Variants in AKT3 observed in about 807,000 individuals in gnomAD.
AKT3 encodes AKT serine/threonine kinase 3.
A neutral mutation model predicts 65.3 loss-of-function variants in AKT3; 15 were observed. The observed-to-expected ratio is 0.23, with a 90% CI of 0.15 to 0.35. The LOEUF (loss-of-function observed/expected upper bound fraction) is 0.35. Ranked by LOEUF, AKT3 falls within the 10% of genes least tolerant of loss-of-function variation. The pLI, the probability that AKT3 is intolerant of heterozygous loss-of-function variation, is 1.00. For missense variants in AKT3, 243 were observed against 576.5 expected (o/e 0.42, Z 5.92); for synonymous variants, 206 against 183.8 (o/e 1.12, Z -0.98).
At chr1:243,842,946 T>C (rs1349990649) in intron 2 of AKT3, among the ~76,000 whole-genome samples, 179 bp downstream of exon 2, 1 of 152,064 alleles carries the variant, frequency 6.6e-6, no homozygotes, top group Non-Finnish European at 1.5e-5. Context: ...AATCAAGAAT[T>C]ACAAAAAAAT....
intron 2 of AKT3, among the ~76,000 whole-genome samples, chr1:243,707,995 C>T (rs751235642): frequency 6.6e-6 from 1 of 152,048 alleles, no homozygotes; most frequent in African/African-American, 2.4e-5. Context: ...TTAATGAATA[C>T]TGCTCTATAT....
At chr1:243,706,130 T>C (rs1685781953) in intron 2 of AKT3, among the ~76,000 whole-genome samples, 1 of 152,140 alleles carries the variant, frequency 6.6e-6, no homozygotes, top group Non-Finnish European at 1.5e-5. Context: ...ATGGAAGCAG[T>C]GAGTCCATAA....
At chr1:243,497,518 G>T (rs1033156135), downstream of AKT3, among the ~76,000 whole-genome samples, 25 of 152,154 alleles carry the variant, frequency 1.6e-4, no homozygotes, top group African/African-American at 6.0e-4. Context: ...GTACATCTGT[G>T]TCACCCCCAT....
chr1:243,740,252 C>T (rs1398839639), intron 2 of AKT3, among the ~76,000 whole-genome samples: 1 of 152,152 alleles, frequency 6.6e-6, no homozygotes, highest in Non-Finnish European at 1.5e-5. Flanking sequence ...TCTTTTGAGT[C>T]CACTGGAAAG....
At chr1:243,629,202 G>C (rs1178814689) in intron 6 of AKT3, among the ~76,000 whole-genome samples, 1 of 152,114 alleles carries the variant, frequency 6.6e-6, no homozygotes, top group East Asian at 1.9e-4. Context: ...CTTGCACCTG[G>C]GAGGCAGAGG....
At chr1:243,509,284 G>A (rs1251369891) in intron 13 of AKT3, among the ~76,000 whole-genome samples, 1 of 152,166 alleles carries the variant, frequency 6.6e-6, no homozygotes, top group Admixed American at 6.5e-5. Context: ...ACTGTGCTGG[G>A]GGACTTCTAA....
chr1:243,549,307 G>C (rs571598299), intron 11 of AKT3, among the ~76,000 whole-genome samples: 4 of 152,244 alleles, frequency 2.6e-5, no homozygotes, highest in Non-Finnish European at 5.9e-5. Context: ...ACCCTAGCTG[G>C]AAACCTCAGA....
intron 2 of AKT3, among the ~76,000 whole-genome samples, chr1:243,757,697 A>C (rs1689224937): frequency 6.6e-6 from 1 of 152,210 alleles, no homozygotes; most frequent in Non-Finnish European, 1.5e-5. Flanking sequence ...AATAAAAATA[A>C]ATGCAATGTC....
At chr1:243,520,927 T>G (rs1266662286) in intron 12 of AKT3, among the ~76,000 whole-genome samples, 1 of 152,208 alleles carries the variant, frequency 6.6e-6, no homozygotes, top group Non-Finnish European at 1.5e-5. Context: ...AACAAAGAGA[T>G]AATTTTCTGA....
At chr1:243,631,905 A>C (rs1679639082) in intron 6 of AKT3, among the ~76,000 whole-genome samples, 1 of 152,200 alleles carries the variant, frequency 6.6e-6, no homozygotes, top group African/African-American at 2.4e-5. Flanking sequence ...GATAAAATTT[A>C]GTCCTATCTT....
At chr1:243,689,702 T>A (rs936687122) in intron 3 of AKT3, among the ~76,000 whole-genome samples, 1 of 151,960 alleles carries the variant, frequency 6.6e-6, no homozygotes, top group African/African-American at 2.4e-5. Flanking sequence ...TGCCTATAAT[T>A]CTAGCACTTT....
At chr1:243,667,275 G>A (rs892964331) in intron 3 of AKT3, among the ~76,000 whole-genome samples, 2 of 152,134 alleles carry the variant, frequency 1.3e-5, no homozygotes, top group Non-Finnish European at 2.9e-5. Context: ...GAGATGCTGA[G>A]TGACTATGTA....
intron 10 of AKT3, 115 bp downstream of exon 10, chr1:243,563,605 G>T: frequency 7.6e-7 from 1 of 1,316,598 alleles, no homozygotes; most frequent in Non-Finnish European, 1.0e-6. Flanking sequence ...TTTTGATTCA[G>T]GTTGAAATAT....
At chr1:243,745,259 G>T (rs1374953312) in intron 2 of AKT3, among the ~76,000 whole-genome samples, 1 of 152,120 alleles carries the variant, frequency 6.6e-6, no homozygotes, top group East Asian at 1.9e-4. Context: ...AGGATTACTT[G>T]AGCCCAGGAG....
chr1:243,813,651 T>C (rs7547512), intron 2 of AKT3, among the ~76,000 whole-genome samples: 1,548 of 152,300 alleles, frequency 0.01, 21 homozygotes, highest in African/African-American at 0.036. Flanking sequence ...TAAACTTTTA[T>C]GGACTACCAT....
At chr1:243,647,695 C>A (rs561335804) in intron 4 of AKT3, among the ~76,000 whole-genome samples, 1 of 152,174 alleles carries the variant, frequency 6.6e-6, no homozygotes, top group Non-Finnish European at 1.5e-5. Context: ...ATGTGGTATG[C>A]AAACAAGAGC....
At chr1:243,666,765 A>G (rs995941270) in intron 3 of AKT3, among the ~76,000 whole-genome samples, 1 of 152,230 alleles carries the variant, frequency 6.6e-6, no homozygotes, top group African/African-American at 2.4e-5. Context: ...AGCCTAACCT[A>G]CTTGAAACAT....
At chr1:243,551,574 T>A (rs1311845741) in intron 11 of AKT3, among the ~76,000 whole-genome samples, 1 of 151,098 alleles carries the variant, frequency 6.6e-6, no homozygotes. Context: ...CATATATATA[T>A]AATATATATA....
At chr1:243,510,349 C>A (rs927714301) in intron 13 of AKT3, among the ~76,000 whole-genome samples, 1 of 152,302 alleles carries the variant, frequency 6.6e-6, no homozygotes, top group African/African-American at 2.4e-5. Flanking sequence ...ATGAGACAAA[C>A]TAGATCCTTC....
Sources: gnomAD v4.1 joint callset for allele counts (sites outside exome capture counted in the v4.1 genomes callset) on GRCh38, gnomAD v4.1.1 for gene constraint, MANE v1.5 for transcripts, NCBI Gene and HGNC (gene_info 2026-07-23, HGNC 2026-07-21) for gene names.